The following EIF4G3 variants were observed in gnomAD, a reference collection of about 807,000 sequenced individuals.
The protein encoded by EIF4G3 is eukaryotic translation initiation factor 4 gamma 3, also known as eIF-4-gamma 3.
A neutral mutation model predicts 186.4 loss-of-function variants in EIF4G3; 34 were observed. The observed-to-expected ratio is 0.18, with a 90% CI of 0.14 to 0.24. The LOEUF (loss-of-function observed/expected upper bound fraction) is 0.24, where lower values mean the gene tolerates loss of function less well. Ranked by LOEUF, EIF4G3 falls within the 10% of genes least tolerant of loss-of-function variation. EIF4G3 has a pLI of 1.00. For missense variants in EIF4G3, 1,536 were observed against 1,948.5 expected (o/e 0.79, Z 3.99); for synonymous variants, 673 against 679.5 (o/e 0.99, Z 0.15).
chr1:21,079,386 G>A (rs538515600), intron 3 of EIF4G3, among the ~76,000 whole-genome samples: 3 of 151,936 alleles, frequency 2.0e-5, no homozygotes, highest in Non-Finnish European at 4.4e-5. Flanking sequence ...TGTATCATGA[G>A]GCCAGGAGCA....
intron 32 of EIF4G3, among the ~76,000 whole-genome samples, 184 bp downstream of exon 32, chr1:20,827,433 T>C (rs1034645675): frequency 1.3e-5 from 2 of 152,174 alleles, no homozygotes; most frequent in African/African-American, 2.4e-5. Flanking sequence ...GATTTGATAA[T>C]TCTGCCCCAA....
At chr1:21,160,068 T>C (rs1010556550) in intron 2 of EIF4G3, among the ~76,000 whole-genome samples, 50 of 151,172 alleles carry the variant, frequency 3.3e-4, no homozygotes, top group Admixed American at 9.9e-4. Flanking sequence ...AATTGTGCTA[T>C]TGCACTCCAG....
intron 2 of EIF4G3, among the ~76,000 whole-genome samples, chr1:21,132,159 C>A (rs569270853): frequency 6.6e-6 from 1 of 151,814 alleles, no homozygotes; most frequent in Non-Finnish European, 1.5e-5. Flanking sequence ...ATAAACATAG[C>A]CAAAGTGATA....
In EIF4G3 at chr1:20,904,920, G is replaced by T; in HGVS notation, c.1715C>A (p.Thr572Asn). The change falls in exon 15 of 37, where the codon ACC (threonine) becomes AAC (asparagine). Residue 572 changes from threonine (T) to asparagine (N), a missense_variant. Transcript: ENST00000602326. ...PKTWKKPKDR[T>N]RTTEEMLEAE... ...CTCTAACATCTCTTCAGTGGTTCGG[G>T]TCCGATCTTTTGGTTTCTTCCATGT... 6.2e-7 allele frequency: 1 copy of T among 1,613,916 alleles called. No homozygotes were observed. Among genetic ancestry groups the T allele is most frequent in the Non-Finnish European group, 8.5e-7 (1 of 1,179,954 alleles).
chr1:20,864,539 G>A lies in EIF4G3; in HGVS notation c.2943C>T (p.Ser981=). Residue 981 remains serine, a synonymous_variant, in exon 22 of 37, where the codon TCC becomes TCT. Coordinates refer to ENST00000602326, the MANE Select transcript of EIF4G3 (RefSeq NM_001391906.1). The stretch of plus-strand genomic sequence containing the variant: ...TGAGCAGGCGACACAGGCACTCCAG[G>A]GATTCTTCATCATGGTTCTTTAGCA... ...VKLLKNHDEE[S]LECLCRLLTT... is the part of the protein sequence containing the mutation. The A allele has an allele frequency of 6.2e-7, 1 of 1,614,090 alleles. No individual in the cohort carries two copies. The highest frequency in any genetic ancestry group is 8.5e-7 in the Non-Finnish European group (1 of 1,180,012).
intron 3 of EIF4G3, among the ~76,000 whole-genome samples, chr1:21,053,740 G>A (rs1416811815): frequency 3.7e-4 from 54 of 147,846 alleles, no homozygotes; most frequent in African/African-American, 1.3e-3. Flanking sequence ...GCCCCCGCCC[G>A]GCCAGCCGCC....
intron 13 of EIF4G3, among the ~76,000 whole-genome samples, chr1:20,943,976 G>GTGTGTGTT (rs2095831018): frequency 7.8e-5 from 2 of 25,568 alleles, no homozygotes; most frequent in African/African-American, 2.2e-4. Flanking sequence ...TATTTTTTTT[G>GTGTGTGTT]TGTGTGTGTG....
At position 20,941,608 on chromosome 1, in the gene EIF4G3, T is replaced by G. The variant is rs575873717; in HGVS notation, c.1546A>C (p.Thr516Pro). ...TCTTTTGCATCTTCACTAAGGCAAG[T>G]TCTTATGCTCTCGTCCTCCTCTAGG... is the stretch of plus-strand genomic sequence containing the variant. The part of the protein sequence containing the change: ...RVLEEDESIR[T>P]CLSEDAKEIQ... Residue 516 changes from threonine to proline, a missense_variant, in exon 14 of 37, where the codon ACT (threonine) becomes CCT (proline). Around this residue, in one of 11 missense-constraint regions of EIF4G3, gnomAD observed 560 missense variants for 547.8 expected, o/e 1.02. Coordinates refer to ENST00000602326, the MANE Select transcript of EIF4G3 (RefSeq NM_001391906.1). 1.2e-6 allele frequency: 2 copies of G among 1,614,210 alleles called. No homozygotes were observed. The highest frequency in any genetic ancestry group is 4.5e-5 in the East Asian group (2 of 44,886).
Position 20,941,940 on chromosome 1 carries a change from A to G in EIF4G3, c.1214T>C (p.Leu405Pro). The change falls in exon 14 of 37, where the codon CTG (leucine) becomes CCG (proline). Residue 405 changes from leucine to proline, a missense_variant. Around this residue, in one of 11 missense-constraint regions of EIF4G3, gnomAD observed 560 missense variants for 547.8 expected, o/e 1.02. Coordinates refer to ENST00000602326, the MANE Select transcript of EIF4G3 (RefSeq NM_001391906.1). ...ATTAATTAGGTTAGTACTAGAAACC[A>G]GTGGAATATCATTAGGTGCTACACT... is the stretch of plus-strand genomic sequence containing the variant. Reference protein sequence around the residue: ...PCSVAPNDIPLVSSTNLINEI... With the variant: ...PCSVAPNDIPPVSSTNLINEI... The G allele has an allele frequency of 6.2e-7, 1 of 1,614,160 alleles. No individual in the cohort carries two copies. Among genetic ancestry groups the G allele is most frequent in the Non-Finnish European group, 8.5e-7 (1 of 1,180,016 alleles).
intron 4 of EIF4G3, among the ~76,000 whole-genome samples, chr1:21,008,582 A>G (rs1570874398): frequency 1.3e-5 from 2 of 152,250 alleles, no homozygotes; most frequent in Non-Finnish European, 2.9e-5. Context: ...CAGGTGATCC[A>G]CCGGGCTCAG....
intron 4 of EIF4G3, among the ~76,000 whole-genome samples, chr1:21,038,310 G>A (rs1396631222): frequency 6.6e-6 from 1 of 152,162 alleles, no homozygotes; most frequent in African/African-American, 2.4e-5. Context: ...AAGCACCAGT[G>A]TACTGATAAA....
chr1:20,872,146 G>A (rs985565583), intron 20 of EIF4G3, among the ~76,000 whole-genome samples: 3 of 151,296 alleles, frequency 2.0e-5, no homozygotes, highest in South Asian at 2.1e-4. Context: ...TATTAGAGAC[G>A]GGGTCTTGCT....
rs1001705384 is a variant in EIF4G3 at position 20,863,765 on chromosome 1, AAAAG to A, written c.3006+707_3006+710del. Among the ~76,000 whole-genome samples, 19 of 107,402 alleles carry A rather than the reference AAAAG, an allele frequency of 1.8e-4. No homozygotes were observed. In the East Asian group the frequency reaches 3.9e-3, roughly 22 times the overall value. The allele number at this position is 107,402 out of a possible 152,430, so 70.5% of individuals were successfully genotyped here. On this transcript the variant is annotated intron_variant, in intron 22 of 36. Transcript: ENST00000602326. ...GGCTGACCCTGTTACTTAAAAAAAAAAAAGAGAGAGAGAGAGAGGTGGCTGTGTC... is the reference window on the plus strand; with the variant it reads ...GGCTGACCCTGTTACTTAAAAAAAAAAGAGAGAGAGAGAGGTGGCTGTGTC...
At chr1:21,130,540 A>G (rs1372106279) in intron 2 of EIF4G3, among the ~76,000 whole-genome samples, 1 of 151,978 alleles carries the variant, frequency 6.6e-6, no homozygotes, top group Non-Finnish European at 1.5e-5. Context: ...AGCACCCAAT[A>G]TCTCACGGTA....
intron 30 of EIF4G3, among the ~76,000 whole-genome samples, 186 bp downstream of exon 30, chr1:20,840,670 C>T (rs1278712180): frequency 1.3e-5 from 2 of 152,164 alleles, no homozygotes; most frequent in African/African-American, 4.8e-5. Flanking sequence ...TGCCCTAGCA[C>T]AATCTATAAA....
intron 3 of EIF4G3, among the ~76,000 whole-genome samples, chr1:21,061,741 G>GT (rs1043319207): frequency 0.071 from 9,154 of 128,958 alleles, 375 homozygotes; most frequent in African/African-American, 0.12. Flanking sequence ...TTCTCTGCTT[G>GT]TTTTTTTTTT....
intron 24 of EIF4G3, among the ~76,000 whole-genome samples, chr1:20,858,301 T>C (rs1236323649): frequency 1.3e-5 from 2 of 152,182 alleles, no homozygotes; most frequent in African/African-American, 4.8e-5. Context: ...TCTACCACTC[T>C]CCCCGTCAGG....
rs541435670 is a variant in EIF4G3 at position 20,822,011 on chromosome 1, G to A, written c.4368+3089C>T. 9.9e-5 allele frequency among the ~76,000 whole-genome samples: 15 copies of A among 152,070 alleles called. No homozygotes were observed. The South Asian group carries it at 3.1e-3, about 32-fold the overall frequency. On this transcript the variant is annotated intron_variant, in intron 33 of 36. Transcript: ENST00000602326. Reference sequence around the variant, plus strand: ...TCCTGCCTCAGCCTCCTGAGTAGCTGGGATTACAGGCGTGTGCTACCACAC... The same window carrying A: ...TCCTGCCTCAGCCTCCTGAGTAGCTAGGATTACAGGCGTGTGCTACCACAC...
chr1:20,929,811 A>ACT (rs1360247553), intron 14 of EIF4G3, among the ~76,000 whole-genome samples: 3 of 152,162 alleles, frequency 2.0e-5, no homozygotes, highest in Non-Finnish European at 4.4e-5. Context: ...AAGACTCAGG[A>ACT]GTGTTTGATG....
Sources: gnomAD v4.1 joint callset for allele counts (sites outside exome capture counted in the v4.1 genomes callset) on GRCh38, gnomAD v4.1.1 for gene constraint, gnomAD v4.1.1 regional missense constraint, MANE v1.5 for transcripts, NCBI Gene and HGNC (gene_info 2026-07-23, HGNC 2026-07-21) for gene names.